The following PALM2AKAP2 variants were observed in gnomAD, a reference collection of about 807,000 sequenced individuals.
PALM2AKAP2 encodes the protein PALM2 and AKAP2 fusion.
PALM2AKAP2 carries 37 observed loss-of-function variants against 71.5 expected under a neutral mutation model. The observed-to-expected ratio is 0.52, with a 90% CI of 0.40 to 0.68. The LOEUF (loss-of-function observed/expected upper bound fraction) is 0.68, where lower values mean the gene tolerates loss of function less well. Among genes scored for constraint, PALM2AKAP2 ranks in the 30% least tolerant of loss-of-function variants. PALM2AKAP2 has a pLI of 0.00. For missense variants in PALM2AKAP2, 1,224 were observed against 1,191.8 expected (o/e 1.03, Z -0.40); for synonymous variants, 468 against 478.8 (o/e 0.98, Z 0.29).
exon 2 of PALM2AKAP2, chr9:110,138,150 A>G: frequency 6.2e-7 from 1 of 1,613,922 alleles, no homozygotes; most frequent in Non-Finnish European, 8.5e-7. Flanking sequence ...GAGAAAAGGG[A>G]TGTATTACCA....
chr9:110,078,164 A>C (rs114671970), intron 1 of PALM2AKAP2, among the ~76,000 whole-genome samples: 2,026 of 152,326 alleles, frequency 0.013, 38 homozygotes, highest in African/African-American at 0.047. Flanking sequence ...TTATAATAAA[A>C]CTATTTACTA....
chr9:109,819,630 CA>C (rs1827938873), intron 1 of PALM2AKAP2, among the ~76,000 whole-genome samples: 1 of 125,628 alleles, frequency 8.0e-6, no homozygotes, highest in African/African-American at 2.7e-5. Context: ...GCTCCTTCTG[CA>C]TACATCATTG....
intron 1 of PALM2AKAP2, among the ~76,000 whole-genome samples, chr9:109,813,503 C>A (rs768636008): frequency 6.6e-6 from 1 of 151,596 alleles, no homozygotes; most frequent in African/African-American, 2.4e-5. Flanking sequence ...AACACCATGA[C>A]GTCAGCATTT....
chr9:109,979,377 T>C (rs1056383783), intron 6 of PALM2AKAP2, among the ~76,000 whole-genome samples: 2 of 152,028 alleles, frequency 1.3e-5, no homozygotes, highest in African/African-American at 4.8e-5. Flanking sequence ...GTCTTAAGAG[T>C]CTGAGGGGCA....
intron 6 of PALM2AKAP2, among the ~76,000 whole-genome samples, chr9:109,963,128 A>C (rs1253128230): frequency 6.6e-6 from 1 of 152,136 alleles, no homozygotes. Flanking sequence ...TATGGTTTTC[A>C]GTAAGCAAGG....
At chr9:110,119,907 G>T (rs1019616054) in intron 1 of PALM2AKAP2, among the ~76,000 whole-genome samples, 5 of 152,142 alleles carry the variant, frequency 3.3e-5, no homozygotes, top group African/African-American at 1.2e-4. Flanking sequence ...CAAGCCCTGT[G>T]GTGAGCATGT....
At chr9:109,672,953 C>T (rs1411064249) in intron 1 of PALM2AKAP2, among the ~76,000 whole-genome samples, 1 of 151,770 alleles carries the variant, frequency 6.6e-6, no homozygotes, top group Non-Finnish European at 1.5e-5. Context: ...ATGATATCCT[C>T]CTTGGTGTTT....
intron 1 of PALM2AKAP2, among the ~76,000 whole-genome samples, chr9:109,803,032 C>T (rs1033971344): frequency 1.3e-5 from 2 of 152,000 alleles, no homozygotes; most frequent in Non-Finnish European, 2.9e-5. Context: ...TAGGAAGAAA[C>T]TAGAATCAGA....
At chr9:110,135,164 A>AAAAAAAAAAAAAAAATATATATAT in intron 1 of PALM2AKAP2, among the ~76,000 whole-genome samples, 2 of 51,744 alleles carry the variant, frequency 3.9e-5, no homozygotes, top group Admixed American at 2.1e-4. Flanking sequence ...AAAAAAAAAA[A>AAAAAAAAAAAAAAAATATATATAT]ATATATAAAT....
At chr9:109,820,961 T>C (rs1432654768) in intron 1 of PALM2AKAP2, among the ~76,000 whole-genome samples, 1 of 152,206 alleles carries the variant, frequency 6.6e-6, no homozygotes, top group Non-Finnish European at 1.5e-5. Context: ...CTGAAGCTTC[T>C]CCCAGCTGGG....
At chr9:109,796,308 T>C (rs372633692) in intron 1 of PALM2AKAP2, among the ~76,000 whole-genome samples, 13 of 152,306 alleles carry the variant, frequency 8.5e-5, no homozygotes, top group African/African-American at 3.1e-4. Flanking sequence ...ATTAGAAAAC[T>C]GTGATAGATA....
At chr9:109,952,011 GTGGGGACTTTGTT>G (rs1200253147) in intron 6 of PALM2AKAP2, among the ~76,000 whole-genome samples, 1 of 152,210 alleles carries the variant, frequency 6.6e-6, no homozygotes, top group Non-Finnish European at 1.5e-5. Flanking sequence ...CTGAAGACAC[GTGGGGACTTTGTT>G]TCTCTTGTTC....
At chr9:109,691,567 T>C (rs1827884181) in intron 1 of PALM2AKAP2, among the ~76,000 whole-genome samples, 1 of 151,854 alleles carries the variant, frequency 6.6e-6, no homozygotes, top group South Asian at 2.1e-4. Context: ...AAAACTCTTA[T>C]ATCAAATTTG....
chr9:110,007,375 A>C (rs1002062408), intron 6 of PALM2AKAP2, among the ~76,000 whole-genome samples: 5 of 152,264 alleles, frequency 3.3e-5, no homozygotes, highest in Admixed American at 3.3e-4. Flanking sequence ...CTGTTCCCAC[A>C]GTTGGTCTCA....
At chr9:110,129,654 G>T (rs919820637) in intron 1 of PALM2AKAP2, among the ~76,000 whole-genome samples, 3 of 152,182 alleles carry the variant, frequency 2.0e-5, no homozygotes, top group African/African-American at 7.2e-5. Context: ...CAGAAAATGG[G>T]GATGCCACAC....
intron 1 of PALM2AKAP2, among the ~76,000 whole-genome samples, chr9:109,753,527 C>G (rs1327792): frequency 0.31 from 46,454 of 152,076 alleles, 7,255 homozygotes; most frequent in Middle Eastern, 0.4. Flanking sequence ...CTTTCTGTGA[C>G]TTTCTCAAGA....
intron 1 of PALM2AKAP2, among the ~76,000 whole-genome samples, chr9:109,764,845 G>A (rs1204306034): frequency 3.9e-5 from 6 of 152,156 alleles, no homozygotes; most frequent in African/African-American, 1.4e-4. Flanking sequence ...AAAACTCTGA[G>A]TCAGGAATCA....
chr9:109,800,872 C>T (rs1827410038), intron 1 of PALM2AKAP2, among the ~76,000 whole-genome samples: 1 of 152,160 alleles, frequency 6.6e-6, no homozygotes, highest in South Asian at 2.1e-4. Flanking sequence ...TCCTAACTGC[C>T]TTGGAGGGAA....
intron 1 of PALM2AKAP2, among the ~76,000 whole-genome samples, chr9:109,850,868 T>C (rs1169628560): frequency 6.6e-6 from 1 of 152,160 alleles, no homozygotes; most frequent in Non-Finnish European, 1.5e-5. Context: ...ATCTTCCACC[T>C]TGACTGACAT....
Sources: allele counts gnomAD v4.1 joint callset (sites outside exome capture counted in the v4.1 genomes callset), GRCh38; gene constraint gnomAD v4.1.1; transcripts MANE v1.5; gene names NCBI Gene and HGNC (gene_info 2026-07-23, HGNC 2026-07-21).